Variants in ELAVL2 observed in about 807,000 individuals in gnomAD.
ELAVL2 encodes the protein ELAV like RNA binding protein 2, also known as ELAV-like protein 2.
ELAVL2 carries 4 observed loss-of-function variants against 34.6 expected under a neutral mutation model. That is an observed-to-expected ratio of 0.12 (90% confidence interval 0.06 to 0.26). The LOEUF is 0.26. Among genes scored for constraint, ELAVL2 ranks in the 10% least tolerant of loss-of-function variants. The pLI is 1.00. For missense variants in ELAVL2, 432 were observed against 442.8 expected, an observed-to-expected ratio of 0.98 and a Z score of 0.22; for synonymous variants, 193 against 154.8, an observed-to-expected ratio of 1.25 and a Z score of -1.83.
intron 2 of ELAVL2, among the ~76,000 whole-genome samples, chr9:23,732,494 G>T (rs2046825444): frequency 2.0e-5 from 3 of 152,138 alleles, no homozygotes; most frequent in Admixed American, 1.3e-4. Flanking sequence ...TAAAATTGAG[G>T]TTTTATTTTA....
intron 1 of ELAVL2, among the ~76,000 whole-genome samples, chr9:23,783,041 A>G (rs1226081542): frequency 2.0e-5 from 3 of 152,146 alleles, no homozygotes; most frequent in East Asian, 3.9e-4. Context: ...ACTGGTAACT[A>G]TTTGGCTAGA....
At chr9:23,752,062 C>A (rs2052204107) in intron 2 of ELAVL2, among the ~76,000 whole-genome samples, 1 of 152,240 alleles carries the variant, frequency 6.6e-6, no homozygotes, top group South Asian at 2.1e-4. Context: ...GACAACAGAT[C>A]TACTTCAAGA....
At chr9:23,759,401 A>G (rs1223404349) in intron 2 of ELAVL2, among the ~76,000 whole-genome samples, 2 of 151,860 alleles carry the variant, frequency 1.3e-5, no homozygotes, top group African/African-American at 4.8e-5. Flanking sequence ...CAGAGGGTGG[A>G]GAAGAGAGGA....
At chr9:23,838,290 T>G in the ELAVL2 span, among the ~76,000 whole-genome samples, 17 of 152,082 alleles carry the variant, frequency 1.1e-4, no homozygotes, top group Non-Finnish European at 1.6e-4. Flanking sequence ...AACAGGTAGT[T>G]TATTGTTTCA....
chr9:23,731,733 G>A (rs1190662640), intron 2 of ELAVL2, among the ~76,000 whole-genome samples: 2 of 152,024 alleles, frequency 1.3e-5, no homozygotes, highest in Admixed American at 6.6e-5. Context: ...GATAAGAACA[G>A]GAAAATATGA....
intron 1 of ELAVL2, among the ~76,000 whole-genome samples, chr9:23,822,700 G>A (rs1335921092): frequency 6.6e-6 from 1 of 152,170 alleles, no homozygotes; most frequent in East Asian, 1.9e-4. Context: ...TTTTTTCATT[G>A]CAAAGGCATC....
chr9:23,742,089 A>T (rs1433182390), intron 2 of ELAVL2, among the ~76,000 whole-genome samples: 1 of 152,124 alleles, frequency 6.6e-6, no homozygotes, highest in Non-Finnish European at 1.5e-5. Flanking sequence ...GAACCATAAT[A>T]CCCAGAGATT....
At chr9:23,828,321 A>G (rs2065392765), upstream of ELAVL2, among the ~76,000 whole-genome samples, 1 of 152,216 alleles carries the variant, frequency 6.6e-6, no homozygotes, top group Non-Finnish European at 1.5e-5. Context: ...AATTAGTTGC[A>G]TATGCCCATA....
intron 1 of ELAVL2, among the ~76,000 whole-genome samples, chr9:23,817,017 A>G (rs1333838263): frequency 6.6e-6 from 1 of 152,108 alleles, no homozygotes; most frequent in African/African-American, 2.4e-5. Context: ...AAAATATACC[A>G]GTGCTAAAGC....
At chr9:23,733,456 A>G (rs942765067) in intron 2 of ELAVL2, among the ~76,000 whole-genome samples, 2 of 152,156 alleles carry the variant, frequency 1.3e-5, no homozygotes, top group Non-Finnish European at 2.9e-5. Context: ...TCACTGCCTT[A>G]ATGGTGAGAA....
Position 23,776,739 on chromosome 9 carries a change from C to CAA in ELAVL2, c.-15-14492_-15-14491dup, listed in dbSNP as rs34583759. Among the ~76,000 whole-genome samples the CAA allele has an allele frequency of 6.1e-3, 471 of 77,522 alleles. 3 individuals carry two copies. Among genetic ancestry groups the CAA allele is most frequent in the East Asian group, 0.017 (47 of 2,716 alleles). 50.9% of individuals were successfully genotyped at this position (77,522 alleles called of 152,430 possible). A position where few individuals can be genotyped will look rare whatever the true frequency, so the allele number is the denominator to read the frequency against. On this transcript the variant is annotated intron_variant, in intron 1 of 6. Coordinates refer to ENST00000397312, the MANE Select transcript of ELAVL2 (RefSeq NM_004432.5). The stretch of plus-strand genomic sequence containing the variant: ...TGACCTATGCTAAATAGTTTGCTAT[C>CAA]AAAAAAAAAAAAAAAAAAAAAAAGA...
chr9:23,699,820 T>TG (rs1563933353), intron 5 of ELAVL2, among the ~76,000 whole-genome samples: 9 of 37,380 alleles, frequency 2.4e-4, no homozygotes, highest in Admixed American at 5.5e-4. Context: ...AGGTTTTTTT[T>TG]TTTTTTTTTT....
At position 23,692,415 on chromosome 9, in the gene ELAVL2, C is replaced by A; in HGVS notation, c.*142G>T. 1.2e-6 allele frequency: 1 copy of A among 833,580 alleles called. No individual in the cohort carries two copies. 51.6% of individuals were successfully genotyped at this position (833,580 alleles called of 1,614,324 possible). ...CAAATACTAGCAATAAAAAATCTCA[C>A]ATATTTCTTAGGATGCTAAGTAGTC... On this transcript the variant is annotated 3_prime_UTR_variant, in exon 7 of 7. Coordinates refer to ENST00000397312, the MANE Select transcript of ELAVL2 (RefSeq NM_004432.5).
At chr9:23,831,251 A>G (rs139329486), upstream of ELAVL2, among the ~76,000 whole-genome samples, 235 of 152,224 alleles carry the variant, frequency 1.5e-3, no homozygotes, top group Non-Finnish European at 3.0e-3. Context: ...CAACCAGTCA[A>G]TCAGAGCCAT....
intron 2 of ELAVL2, among the ~76,000 whole-genome samples, chr9:23,739,532 C>T (rs1032915455): frequency 2.6e-5 from 4 of 151,928 alleles, no homozygotes; most frequent in Admixed American, 2.0e-4. Flanking sequence ...TACACAGATC[C>T]GCCACCGCCC....
chr9:23,845,154 A>G, the ELAVL2 span, among the ~76,000 whole-genome samples: 1 of 151,804 alleles, frequency 6.6e-6, no homozygotes. Flanking sequence ...TGTTTTGAGG[A>G]GTTAATTATA....
chr9:23,791,758 G>A (rs2060348945), intron 1 of ELAVL2, among the ~76,000 whole-genome samples: 1 of 152,146 alleles, frequency 6.6e-6, no homozygotes, highest in South Asian at 2.1e-4. Context: ...TGAAACAGTG[G>A]TCTTGCCAGA....
intron 1 of ELAVL2, among the ~76,000 whole-genome samples, chr9:23,787,744 G>T (rs2059868174): frequency 6.6e-6 from 1 of 152,010 alleles, no homozygotes; most frequent in Admixed American, 6.6e-5. Flanking sequence ...CCCAGATACT[G>T]GCATTTTTAT....
At chr9:23,799,163 A>T (rs1564515109) in intron 1 of ELAVL2, among the ~76,000 whole-genome samples, 1 of 152,114 alleles carries the variant, frequency 6.6e-6, no homozygotes, top group East Asian at 1.9e-4. Flanking sequence ...GCTTTTTAAA[A>T]TTTTTTTCCA....
Sources: gnomAD v4.1 joint callset for allele counts (sites outside exome capture counted in the v4.1 genomes callset) on GRCh38, gnomAD v4.1.1 for gene constraint, MANE v1.5 for transcripts, NCBI Gene and HGNC (gene_info 2026-07-23, HGNC 2026-07-21) for gene names.